Variants in PRKAG2 observed in about 807,000 individuals in gnomAD.
PRKAG2 encodes 5'-AMP-activated protein kinase subunit gamma-2.
PRKAG2 carries 26 observed loss-of-function variants against 69.6 expected under a neutral mutation model. The observed-to-expected ratio is 0.37, with a 90% CI of 0.27 to 0.52. The LOEUF (loss-of-function observed/expected upper bound fraction) is 0.52. Among genes scored for constraint, PRKAG2 ranks in the 20% least tolerant of loss-of-function variants. PRKAG2 has a pLI of 0.90. For missense variants in PRKAG2, 557 were observed against 740.0 expected (o/e 0.75, Z 2.87); for synonymous variants, 293 against 285.0 (o/e 1.03, Z -0.28).
At chr7:151,729,631 G>A (rs1442239405) in intron 3 of PRKAG2, among the ~76,000 whole-genome samples, 2 of 152,136 alleles carry the variant, frequency 1.3e-5, no homozygotes, top group African/African-American at 4.8e-5. Context: ...GTCCACAAGA[G>A]GGGCATACAC....
intron 1 of PRKAG2, among the ~76,000 whole-genome samples, chr7:151,858,791 AG>A (rs1312644710): frequency 6.6e-6 from 1 of 152,204 alleles, no homozygotes; most frequent in East Asian, 1.9e-4. Context: ...GGTAGCTAGG[AG>A]GTATTCAGCA....
chr7:151,750,489 A>T (rs1047445276), intron 3 of PRKAG2, among the ~76,000 whole-genome samples: 3 of 152,206 alleles, frequency 2.0e-5, no homozygotes. Flanking sequence ...TAAGTGATAG[A>T]AGCCACATGC....
At chr7:151,676,188 G>A in intron 3 of PRKAG2, among the ~76,000 whole-genome samples, 1 of 149,526 alleles carries the variant, frequency 6.7e-6, no homozygotes, top group South Asian at 2.2e-4. Context: ...TTCGGAAAAT[G>A]TGCAGCAGAG....
chr7:151,871,653 C>A (rs1272713181), intron 1 of PRKAG2, among the ~76,000 whole-genome samples: 1 of 152,220 alleles, frequency 6.6e-6, no homozygotes, highest in Non-Finnish European at 1.5e-5. Context: ...TCTAGGTCTC[C>A]ACCACCGTCC....
chr7:151,781,514 C>G lies in PRKAG2; in HGVS notation c.187-83G>C. 6.7e-7 allele frequency: 1 copy of G among 1,496,912 alleles called. No individual in the cohort carries two copies. Among genetic ancestry groups the G allele is most frequent in the South Asian group, 1.2e-5 (1 of 82,820 alleles). The allele number at this position is 1,496,912 out of a possible 1,614,324, so 92.7% of individuals were successfully genotyped here. ...TGCCCTGTATGAAACTTATCATTGTCCTCTCTCACATGCGGGCCCCCCATA... is the reference window on the plus strand; with the variant it reads ...TGCCCTGTATGAAACTTATCATTGTGCTCTCTCACATGCGGGCCCCCCATA... On this transcript the variant is annotated intron_variant, in intron 2 of 15. Transcript: ENST00000287878. This position sits in a 1 kb window ranked among gnomAD's most constrained non-coding sequence, Gnocchi z 6.1.
At chr7:151,645,011 A>G (rs1404804948) in intron 4 of PRKAG2, among the ~76,000 whole-genome samples, 1 of 147,628 alleles carries the variant, frequency 6.8e-6, no homozygotes, top group Non-Finnish European at 1.5e-5. Flanking sequence ...CTATTTATTT[A>G]TTAGAGTTTT....
chr7:151,808,867 T>C, intron 1 of PRKAG2, among the ~76,000 whole-genome samples: 1 of 152,104 alleles, frequency 6.6e-6, no homozygotes, highest in East Asian at 1.9e-4. Flanking sequence ...TGGGCCAGCA[T>C]CCAAGGCTAA....
chr7:151,693,750 C>T (rs1371994196), intron 3 of PRKAG2, among the ~76,000 whole-genome samples: 1 of 152,290 alleles, frequency 6.6e-6, no homozygotes, highest in South Asian at 2.1e-4. Context: ...CAGAGAGACC[C>T]CTCCTCCTTC....
Position 151,835,982 on chromosome 7 carries a change from GTCTGAGC to G in PRKAG2, c.114+40518_114+40524del, listed in dbSNP as rs973147035. On this transcript the variant is annotated intron_variant, in intron 1 of 15. Transcript: ENST00000287878. The surrounding 1 kb of genome is among the most constrained non-coding windows in gnomAD (Gnocchi z 4.1). ...CATTGATTGCTCCATGGACCAGCGTGTCTGAGCTCCCTGTGAATGTATCTAATTTGTG... is the reference window on the plus strand; with the variant it reads ...CATTGATTGCTCCATGGACCAGCGTGTCCCTGTGAATGTATCTAATTTGTG... 8.5e-5 allele frequency among the ~76,000 whole-genome samples: 13 copies of G among 152,238 alleles called. No individual in the cohort carries two copies. Among genetic ancestry groups the G allele is most frequent in the Middle Eastern group, 3.2e-3 (1 of 316 alleles).
At chr7:151,749,508 T>C (rs1263858108) in intron 3 of PRKAG2, among the ~76,000 whole-genome samples, 3 of 152,014 alleles carry the variant, frequency 2.0e-5, no homozygotes, top group Non-Finnish European at 4.4e-5. Flanking sequence ...CAGAGGACAA[T>C]AATAAGAGAG....
intron 4 of PRKAG2, among the ~76,000 whole-genome samples, chr7:151,633,390 G>GTTC (rs778205939): frequency 6.6e-6 from 1 of 151,858 alleles, no homozygotes; most frequent in Non-Finnish European, 1.5e-5. Context: ...ATTCAACATG[G>GTTC]TTCTAGAAGT....
chr7:151,675,336 A>T (rs1308239319), intron 4 of PRKAG2, 84 bp downstream of exon 4: 14 of 1,355,626 alleles, frequency 1.0e-5, no homozygotes, highest in Non-Finnish European at 1.5e-5. Context: ...TCGGCTGCAG[A>T]TAGACTGCTC....
At chr7:151,650,445 A>T (rs1828302284) in intron 4 of PRKAG2, among the ~76,000 whole-genome samples, 1 of 152,174 alleles carries the variant, frequency 6.6e-6, no homozygotes, top group South Asian at 2.1e-4. Flanking sequence ...TATGGTCCTA[A>T]ATCCTACCAA....
intron 1 of PRKAG2, among the ~76,000 whole-genome samples, chr7:151,834,890 C>T (rs969407173): frequency 6.6e-6 from 1 of 152,252 alleles, no homozygotes; most frequent in Non-Finnish European, 1.5e-5. Context: ...GAGGGAGAAT[C>T]TGTCCAGGCC....
At chr7:151,610,927 CT>C in intron 5 of PRKAG2, among the ~76,000 whole-genome samples, 1 of 151,248 alleles carries the variant, frequency 6.6e-6, no homozygotes, top group South Asian at 2.1e-4. Flanking sequence ...AATTTTTGTA[CT>C]TTTTTTGGTA....
At chr7:151,602,635 A>G in intron 5 of PRKAG2, among the ~76,000 whole-genome samples, 1 of 152,200 alleles carries the variant, frequency 6.6e-6, no homozygotes, top group Non-Finnish European at 1.5e-5. Context: ...TATATACTCC[A>G]TATCAGGTTC....
In PRKAG2 at chr7:151,855,742, C is replaced by A. The variant is rs528666564; in HGVS notation, c.114+20765G>T. 2.6e-5 allele frequency among the ~76,000 whole-genome samples: 4 copies of A among 151,300 alleles called. No homozygotes were observed. In the East Asian group the frequency reaches 7.8e-4, roughly 29 times the overall value. ...TAGGGGAAAAGTGGGTGGGTGGGGG[C>A]AGGCAGAGGGGTGGGGGCGGCAGGA... On this transcript the variant is annotated intron_variant, in intron 1 of 15. Transcript: ENST00000287878.
rs1330529500 is a variant in PRKAG2, at chr7:151,777,991, A to G, written c.466+3161T>C. 6.6e-6 allele frequency among the ~76,000 whole-genome samples: 1 copy of G among 152,130 alleles called. No homozygotes were observed. Among genetic ancestry groups the G allele is most frequent in the Non-Finnish European group, 1.5e-5 (1 of 68,030 alleles). On this transcript the variant is annotated intron_variant, in intron 3 of 15. Coordinates refer to ENST00000287878, the MANE Select transcript of PRKAG2 (RefSeq NM_016203.4). This position sits in a 1 kb window ranked among gnomAD's most constrained non-coding sequence, Gnocchi z 4.3. ...AGTTGCTCCTGTAGATAGTATCACT[A>G]TTTAACACCTAAGATTGGTCTTTTG...
intron 6 of PRKAG2, among the ~76,000 whole-genome samples, chr7:151,586,577 C>T (rs2151090723): frequency 6.6e-6 from 1 of 152,308 alleles, no homozygotes; most frequent in Non-Finnish European, 1.5e-5. Flanking sequence ...AGATGTGGTT[C>T]ATGCTGACAG....
Sources: gnomAD v4.1 joint callset for allele counts (sites outside exome capture counted in the v4.1 genomes callset) on GRCh38, gnomAD v4.1.1 for gene constraint, Gnocchi (gnomAD v3.1) non-coding constraint, MANE v1.5 for transcripts, NCBI Gene and HGNC (gene_info 2026-07-23, HGNC 2026-07-21) for gene names.